The following CPS1 variants were observed in gnomAD, a reference collection of about 807,000 sequenced individuals.
CPS1 encodes carbamoyl-phosphate synthase 1.
Under a neutral mutation model 174.6 loss-of-function variants are expected in CPS1, and 109 were observed. The observed-to-expected ratio is 0.62, with a 90% CI of 0.53 to 0.73. The LOEUF is 0.73. CPS1 is among the 30% of genes least tolerant of loss of function. The pLI is 0.00. For missense variants in CPS1, 1,689 were observed against 1,821.9 expected (o/e 0.93, Z 1.33); for synonymous variants, 637 against 632.0 (o/e 1.01, Z -0.12).
At chr2:210,597,388 C>A (rs1698523390) in intron 13 of CPS1, among the ~76,000 whole-genome samples, 1 of 151,732 alleles carries the variant, frequency 6.6e-6, no homozygotes. Context: ...AGCTATGTGA[C>A]CTTTAGCAAA....
intron 1 of CPS1, among the ~76,000 whole-genome samples, chr2:210,531,119 T>G (rs1201189097): frequency 6.6e-6 from 1 of 152,086 alleles, no homozygotes; most frequent in South Asian, 2.1e-4. Context: ...TGACTTAACA[T>G]TTCTGATCTC....
At chr2:210,513,173 TA>T (rs1349926461) in intron 1 of CPS1, among the ~76,000 whole-genome samples, 5 of 147,976 alleles carry the variant, frequency 3.4e-5, no homozygotes, top group African/African-American at 1.2e-4. Context: ...TGTATGGATA[TA>T]TATATATATC....
chr2:210,582,797 T>C, intron 6 of CPS1, 88 bp downstream of exon 6: 1 of 1,038,652 alleles, frequency 9.6e-7, no homozygotes, highest in Non-Finnish European at 1.5e-6. Context: ...AGGCAGAGTT[T>C]ATCTTCCAGA....
intron 23 of CPS1, 51 bp downstream of exon 23, chr2:210,639,266 G>A: frequency 7.6e-7 from 1 of 1,313,480 alleles, no homozygotes; most frequent in Non-Finnish European, 1.1e-6. Context: ...TTCATAGACA[G>A]TTCACATTAG....
At chr2:210,547,143 G>A (rs1559070480) in intron 1 of CPS1, among the ~76,000 whole-genome samples, 1 of 152,100 alleles carries the variant, frequency 6.6e-6, no homozygotes, top group African/African-American at 2.4e-5. Flanking sequence ...ACATATGTAT[G>A]AGCCAAGGTC....
chr2:210,586,931 A>G (rs945422818), intron 6 of CPS1, among the ~76,000 whole-genome samples: 5 of 152,082 alleles, frequency 3.3e-5, no homozygotes, highest in African/African-American at 1.2e-4. Context: ...AGCTACAACT[A>G]GATGGTAATA....
At chr2:210,579,488 A>AT (rs1355440207) in intron 4 of CPS1, among the ~76,000 whole-genome samples, 2 of 152,112 alleles carry the variant, frequency 1.3e-5, no homozygotes, top group African/African-American at 2.4e-5. Context: ...AGAATTTCTC[A>AT]TTTTTTTACT....
chr2:210,539,382 T>G (rs1047408214), intron 1 of CPS1, among the ~76,000 whole-genome samples: 6 of 152,208 alleles, frequency 3.9e-5, no homozygotes. Context: ...CAAGCAAGAT[T>G]TGGAATTATC....
chr2:210,570,138 T>C (rs376155984), intron 1 of CPS1, among the ~76,000 whole-genome samples: 7 of 152,006 alleles, frequency 4.6e-5, no homozygotes, highest in Admixed American at 3.3e-4. Flanking sequence ...GGGGCCAGTG[T>C]AGTTAGGAGA....
At chr2:210,670,377 GA>G (rs1401299650) in intron 34 of CPS1, among the ~76,000 whole-genome samples, 1 of 152,022 alleles carries the variant, frequency 6.6e-6, no homozygotes, top group Non-Finnish European at 1.5e-5. Flanking sequence ...GAAAAAGCGT[GA>G]CAGAATATAC....
intron 1 of CPS1, among the ~76,000 whole-genome samples, chr2:210,551,055 C>A (rs1398395622): frequency 1.3e-5 from 2 of 151,854 alleles, no homozygotes; most frequent in African/African-American, 4.8e-5. Flanking sequence ...GGGCCTCTTG[C>A]TATGTTTTAT....
intron 1 of CPS1, among the ~76,000 whole-genome samples, chr2:210,545,896 G>A (rs754241100): frequency 6.6e-6 from 1 of 152,030 alleles, no homozygotes; most frequent in Non-Finnish European, 1.5e-5. Flanking sequence ...AAGATGACAT[G>A]GAGGTTTTTT....
intron 19 of CPS1, among the ~76,000 whole-genome samples, chr2:210,609,990 A>G (rs1559104907): frequency 6.6e-6 from 1 of 151,972 alleles, no homozygotes; most frequent in South Asian, 2.1e-4. Flanking sequence ...CAAATCAACA[A>G]ATTGGCCTTT....
chr2:210,649,987 G>A (rs1314918053), intron 27 of CPS1, among the ~76,000 whole-genome samples: 1 of 152,194 alleles, frequency 6.6e-6, no homozygotes, highest in Admixed American at 6.5e-5. Context: ...GAAGAAACAG[G>A]TTAGGGAAAT....
chr2:210,628,559 TA>T (rs751151701), intron 21 of CPS1, among the ~76,000 whole-genome samples: 1 of 152,332 alleles, frequency 6.6e-6, no homozygotes, highest in Non-Finnish European at 1.5e-5. Context: ...GTTAAGTTTT[TA>T]GGAGGCTGAG....
chr2:210,497,042 T>C (rs1695008239), intron 1 of CPS1, among the ~76,000 whole-genome samples: 1 of 152,200 alleles, frequency 6.6e-6, no homozygotes, highest in African/African-American at 2.4e-5. Context: ...ATTTTTGGAA[T>C]TAGCTCTAAT....
intron 29 of CPS1, 143 bp from the exon 30 acceptor site, chr2:210,656,382 C>T (rs748618356): frequency 2.5e-5 from 17 of 687,304 alleles, no homozygotes; most frequent in Non-Finnish European, 3.7e-5. Context: ...GCATTTTCTA[C>T]TGCTCTCATC....
intron 1 of CPS1, among the ~76,000 whole-genome samples, chr2:210,506,636 T>A (rs1695295945): frequency 6.6e-6 from 1 of 152,032 alleles, no homozygotes; most frequent in Non-Finnish European, 1.5e-5. Flanking sequence ...TGAAAAAAGA[T>A]TAGACAAATG....
At chr2:210,616,731 A>T (rs1699324719) in intron 21 of CPS1, among the ~76,000 whole-genome samples, 190 bp downstream of exon 21, 1 of 151,794 alleles carries the variant, frequency 6.6e-6, no homozygotes, top group Admixed American at 6.6e-5. Flanking sequence ...ACCTTTAGAA[A>T]TGTATCCATT....
Sources: gnomAD v4.1 joint callset for allele counts (sites outside exome capture counted in the v4.1 genomes callset) on GRCh38, gnomAD v4.1.1 for gene constraint, MANE v1.5 for transcripts, NCBI Gene and HGNC (gene_info 2026-07-23, HGNC 2026-07-21) for gene names.